Variants in GRID2 observed in about 807,000 individuals in gnomAD.
The protein encoded by GRID2 is glutamate ionotropic receptor delta type subunit 2, also known as glutamate receptor ionotropic, delta-2.
Under a neutral mutation model 114.8 loss-of-function variants are expected in GRID2, and 33 were observed. That is an observed-to-expected ratio of 0.29 (90% CI 0.22 to 0.38). GRID2 has a LOEUF of 0.38. Among genes scored for constraint, GRID2 ranks in the 10% least tolerant of loss-of-function variants. The pLI, the probability that GRID2 is intolerant of heterozygous loss-of-function variation, is 1.00. For synonymous variants in GRID2, 505 were observed against 449.9 expected, an observed-to-expected ratio of 1.12 and a Z score of -1.55; for missense variants, 1,184 against 1,257.7, an observed-to-expected ratio of 0.94 and a Z score of 0.89.
chr4:92,405,880 G>A (rs373489432), intron 1 of GRID2, among the ~76,000 whole-genome samples: 12 of 151,982 alleles, frequency 7.9e-5, no homozygotes, highest in African/African-American at 2.9e-4. Context: ...ATATATAAAG[G>A]GGAGTTTATT....
chr4:93,749,972 G>T (rs899208771), intron 14 of GRID2, among the ~76,000 whole-genome samples: 5 of 152,230 alleles, frequency 3.3e-5, no homozygotes, highest in African/African-American at 1.2e-4. Context: ...CAGGTGAAGA[G>T]ATAGGTGCTC....
chr4:92,494,150 A>G (rs1337921480), intron 1 of GRID2, among the ~76,000 whole-genome samples: 1 of 152,094 alleles, frequency 6.6e-6, no homozygotes, highest in African/African-American at 2.4e-5. Context: ...CTATATTACC[A>G]AGATTTTTCT....
At chr4:92,765,059 C>T (rs1738194905) in intron 2 of GRID2, among the ~76,000 whole-genome samples, 1 of 152,008 alleles carries the variant, frequency 6.6e-6, no homozygotes, top group Non-Finnish European at 1.5e-5. Flanking sequence ...AATATCAAAA[C>T]ATGATATTAT....
intron 2 of GRID2, among the ~76,000 whole-genome samples, chr4:93,035,308 TC>T (rs1347716559): frequency 6.6e-6 from 1 of 152,092 alleles, no homozygotes; most frequent in African/African-American, 2.4e-5. Flanking sequence ...AAATGGGTTT[TC>T]ACTATTTTTG....
intron 1 of GRID2, among the ~76,000 whole-genome samples, chr4:92,312,819 A>G (rs571821878): frequency 6.6e-6 from 1 of 152,206 alleles, no homozygotes; most frequent in South Asian, 2.1e-4. Context: ...CAGTCAGGGA[A>G]CACTTCTACA....
intron 2 of GRID2, among the ~76,000 whole-genome samples, chr4:92,996,373 T>G (rs1260385756): frequency 1.3e-5 from 2 of 152,182 alleles, no homozygotes; most frequent in Non-Finnish European, 2.9e-5. Context: ...TTATTTATTT[T>G]TATCATATCA....
At chr4:92,634,563 G>T (rs1162719023) in intron 2 of GRID2, among the ~76,000 whole-genome samples, 2 of 151,940 alleles carry the variant, frequency 1.3e-5, no homozygotes, top group Non-Finnish European at 2.9e-5. Context: ...ATACTAAGAG[G>T]CAAATTACTG....
chr4:93,464,053 G>T (rs1724033756), intron 11 of GRID2, among the ~76,000 whole-genome samples: 1 of 152,128 alleles, frequency 6.6e-6, no homozygotes, highest in African/African-American at 2.4e-5. Context: ...TGAAATCTGA[G>T]TAGAACTCAG....
chr4:92,795,387 A>G (rs1437976645), intron 2 of GRID2, among the ~76,000 whole-genome samples: 2 of 151,858 alleles, frequency 1.3e-5, no homozygotes, highest in African/African-American at 4.8e-5. Context: ...ACCACCATGT[A>G]AGAAGTGCCT....
chr4:93,463,424 G>A (rs1039788431), intron 11 of GRID2, among the ~76,000 whole-genome samples: 7 of 152,160 alleles, frequency 4.6e-5, no homozygotes, highest in Admixed American at 1.3e-4. Flanking sequence ...CATGACGTGA[G>A]TCAGAAAATT....
At chr4:93,760,291 G>C (rs1372671646) in intron 14 of GRID2, among the ~76,000 whole-genome samples, 1 of 152,136 alleles carries the variant, frequency 6.6e-6, no homozygotes, top group East Asian at 1.9e-4. Context: ...TCTGAATAAA[G>C]TTCACAGTTG....
intron 2 of GRID2, among the ~76,000 whole-genome samples, chr4:92,914,845 A>G (rs1275385690): frequency 6.6e-6 from 1 of 151,994 alleles, no homozygotes; most frequent in East Asian, 1.9e-4. Flanking sequence ...TGTTGATTCT[A>G]TGTCTTTGCT....
chr4:93,781,453 C>A lies in GRID2; in HGVS notation c.221+12003C>A, dbSNP rs562976225. Among the ~76,000 whole-genome samples, 18 of 151,884 alleles carry A rather than the reference C, an allele frequency of 1.2e-4. No individual in the cohort carries two copies. In the South Asian group the frequency reaches 2.1e-3, roughly 18 times the overall value. ...CTGCGGTGAGGGGCTGCGGTGAGGC[C>A]CACTGGGCTTCCCTTACAGCACCTT... is the stretch of plus-strand genomic sequence containing the variant. On this transcript the variant is annotated intron_variant, in intron 1 of 1. Transcript: ENST00000637838.
At position 93,323,500 on chromosome 4, in the gene GRID2, G is replaced by A. The variant is rs111665114; in HGVS notation, c.1246-72107G>A. ...TAGTGTGATGCCTCCAGCTTTGTTC[G>A]TTTGAATTAGGATTGTCTTGGCTAT... On this transcript the variant is annotated intron_variant, in intron 8 of 15. Transcript: ENST00000282020. Among the ~76,000 whole-genome samples the A allele has an allele frequency of 9.3e-3, 1,413 of 152,082 alleles. 24 individuals carry two copies. Among genetic ancestry groups the A allele is most frequent in the African/African-American group, 0.031 (1,285 of 41,502 alleles).
chr4:93,770,420 A>G (rs1578778790), intron 15 of GRID2, among the ~76,000 whole-genome samples: 1 of 152,216 alleles, frequency 6.6e-6, no homozygotes, highest in African/African-American at 2.4e-5. Flanking sequence ...ACGGCTTCTC[A>G]TTTGCATATG....
chr4:92,785,633 C>T (rs1265201913), intron 2 of GRID2, among the ~76,000 whole-genome samples: 1 of 151,718 alleles, frequency 6.6e-6, no homozygotes, highest in East Asian at 1.9e-4. Context: ...GTTAAAGAAA[C>T]TAAGTCACAA....
chr4:93,254,872 T>G (rs1749394572), intron 8 of GRID2, among the ~76,000 whole-genome samples: 1 of 152,152 alleles, frequency 6.6e-6, no homozygotes. Context: ...ATGCAGGGGT[T>G]GGGTTGTCAT....
rs1436180367 is a variant in GRID2 at position 93,509,513 on chromosome 4, A to G, written c.1998-5703A>G. Among the ~76,000 whole-genome samples the G allele has an allele frequency of 3.9e-5, 6 of 152,324 alleles. No individual in the cohort carries two copies. In the East Asian group the frequency reaches 1.2e-3, roughly 29 times the overall value. The stretch of plus-strand genomic sequence containing the variant: ...AGTGCTCATAGCTAATTACTAAGAA[A>G]AGTGTCTTATAAACAATATCTAATT... On this transcript the variant is annotated intron_variant, in intron 12 of 15. Transcript: ENST00000282020.
intron 2 of GRID2, among the ~76,000 whole-genome samples, chr4:93,032,509 T>C (rs1724532546): frequency 6.6e-6 from 1 of 152,186 alleles, no homozygotes; most frequent in African/African-American, 2.4e-5. Context: ...TAACAGTCTC[T>C]TACCTCTTAT....
Sources: allele counts gnomAD v4.1 joint callset (sites outside exome capture counted in the v4.1 genomes callset), GRCh38; gene constraint gnomAD v4.1.1; transcripts MANE v1.5; gene names NCBI Gene and HGNC (gene_info 2026-07-23, HGNC 2026-07-21).